Variants in NDUFAF2 observed in about 807,000 individuals in gnomAD.
NDUFAF2 encodes NADH:ubiquinone oxidoreductase complex assembly factor 2.
In NDUFAF2, 13 loss-of-function variants were observed where a neutral mutation model predicts 22.8. The observed-to-expected ratio is 0.57, with a 90% CI of 0.37 to 0.91. NDUFAF2 has a LOEUF of 0.91. NDUFAF2 is among the 40% of genes least tolerant of loss of function. The probability of loss-of-function intolerance (pLI) is 0.01; values close to 1 mark genes in which losing one functional copy is unlikely to be tolerated. For synonymous variants in NDUFAF2, 53 were observed against 64.2 expected, an observed-to-expected ratio of 0.83 and a Z score of 0.84; for missense variants, 162 against 195.2, an observed-to-expected ratio of 0.83 and a Z score of 1.01.
chr5:60,950,481 GGC>G (rs1242096514), intron 1 of NDUFAF2, among the ~76,000 whole-genome samples: 2 of 151,984 alleles, frequency 1.3e-5, no homozygotes, highest in African/African-American at 4.8e-5. Context: ...CACCACGCCT[GGC>G]CACTACTCTT....
At chr5:60,967,174 A>AT (rs540103414) in intron 1 of NDUFAF2, among the ~76,000 whole-genome samples, 113 of 152,012 alleles carry the variant, frequency 7.4e-4, no homozygotes, top group African/African-American at 2.4e-3. Context: ...AGAAACACTG[A>AT]TTTTTTGTGT....
intron 3 of NDUFAF2, among the ~76,000 whole-genome samples, chr5:61,145,183 C>G (rs1741120923): frequency 1.3e-5 from 2 of 152,150 alleles, no homozygotes; most frequent in Non-Finnish European, 2.9e-5. Context: ...AATAATACAG[C>G]TACCAAAAGG....
At chr5:61,147,075 G>A (rs1305664761) in intron 3 of NDUFAF2, among the ~76,000 whole-genome samples, 1 of 151,948 alleles carries the variant, frequency 6.6e-6, no homozygotes, top group African/African-American at 2.4e-5. Flanking sequence ...TTTCTATCAT[G>A]TGTAGGTCTA....
intron 3 of NDUFAF2, among the ~76,000 whole-genome samples, chr5:61,134,153 TA>T (rs1185648126): frequency 6.6e-6 from 1 of 152,040 alleles, no homozygotes. Context: ...TATTGTCAAG[TA>T]AAAAAAGTAA....
intron 2 of NDUFAF2, among the ~76,000 whole-genome samples, chr5:61,095,065 GC>G (rs759888623): frequency 5.9e-5 from 9 of 152,070 alleles, no homozygotes; most frequent in Non-Finnish European, 1.2e-4. Flanking sequence ...GCCTGGAATG[GC>G]TATGTCACCG....
At chr5:61,018,560 T>A (rs60955599) in intron 1 of NDUFAF2, among the ~76,000 whole-genome samples, 2,086 of 152,272 alleles carry the variant, frequency 0.014, 52 homozygotes, top group African/African-American at 0.046. Flanking sequence ...AATTAACAAA[T>A]TAGAATTTAA....
intron 3 of NDUFAF2, among the ~76,000 whole-genome samples, chr5:61,129,343 G>T (rs1003996993): frequency 1.3e-5 from 2 of 152,132 alleles, no homozygotes; most frequent in African/African-American, 4.8e-5. Context: ...ACATGGACAT[G>T]TATGTTTATT....
chr5:60,977,346 T>C (rs368425209), intron 1 of NDUFAF2, among the ~76,000 whole-genome samples: 1 of 151,984 alleles, frequency 6.6e-6, no homozygotes, highest in African/African-American at 2.4e-5. Context: ...TTGGGATTGT[T>C]TGAGCCCAGG....
In NDUFAF2 at chr5:61,107,046, T is replaced by TACACACACACACACACACACACACAC. The variant is rs59521177; in HGVS notation, c.258+8034_258+8059dup. Among the ~76,000 whole-genome samples the TACACACACACACACACACACACACAC allele has an allele frequency of 3.4e-4, 42 of 124,014 alleles. 1 individual carries two copies. Among genetic ancestry groups the TACACACACACACACACACACACACAC allele is most frequent in the Admixed American group, 1.1e-3 (13 of 11,306 alleles). 81.4% of individuals were successfully genotyped at this position (124,014 alleles called of 152,430 possible). A position where few individuals can be genotyped will look rare whatever the true frequency, so the allele number is the denominator to read the frequency against. ...TGATTTCCTTTCCTTTGGATAAATATACACACACACACACACACACACACA... is the reference window on the plus strand; with the variant it reads ...TGATTTCCTTTCCTTTGGATAAATATACACACACACACACACACACACACACACACACACACACACACACACACACA... On this transcript the variant is annotated intron_variant, in intron 3 of 3. Coordinates refer to ENST00000296597, the MANE Select transcript of NDUFAF2 (RefSeq NM_174889.5).
intron 1 of NDUFAF2, among the ~76,000 whole-genome samples, chr5:61,047,667 G>A (rs1751970376): frequency 6.6e-6 from 1 of 151,882 alleles, no homozygotes; most frequent in African/African-American, 2.4e-5. Context: ...TGAGACTCTT[G>A]TCTTTATCTG....
At chr5:60,997,815 A>G (rs1167068247) in intron 1 of NDUFAF2, among the ~76,000 whole-genome samples, 4 of 152,038 alleles carry the variant, frequency 2.6e-5, no homozygotes, top group African/African-American at 9.7e-5. Context: ...TTATATGCTT[A>G]TGAGAGAACA....
rs113367125 is a variant in NDUFAF2 at position 61,099,125 on chromosome 5, T to A, written c.258+93T>A. 435 of 757,132 alleles carry A rather than the reference T, an allele frequency of 5.7e-4. 2 individuals carry two copies. In the African/African-American group the frequency reaches 7.2e-3, roughly 12 times the overall value. The allele number at this position is 757,132 out of a possible 1,614,324, so 46.9% of individuals were successfully genotyped here. A position where few individuals can be genotyped will look rare whatever the true frequency, so the allele number is the denominator to read the frequency against. On this transcript the variant is annotated intron_variant, in intron 3 of 3. Transcript: ENST00000296597. ...AACTATGATGTATTTTCTCAAAGTG[T>A]TGATTTTATTCCATCACAGAAAATA...
At position 61,071,712 on chromosome 5, in the gene NDUFAF2, C is replaced by T. The variant is rs115453384; in HGVS notation, c.128-1413C>T. Among the ~76,000 whole-genome samples the T allele has an allele frequency of 3.4e-3, 511 of 152,290 alleles. 3 individuals carry two copies. The highest frequency in any genetic ancestry group is 0.011 in the African/African-American group (463 of 41,550). On this transcript the variant is annotated intron_variant, in intron 1 of 3. Coordinates refer to ENST00000296597, the MANE Select transcript of NDUFAF2 (RefSeq NM_174889.5). ...CTGACTGGTCTGATCACTGTTAAGCCATGCTGCTCCCTTTATCATTCCTCA... is the reference window on the plus strand; with the variant it reads ...CTGACTGGTCTGATCACTGTTAAGCTATGCTGCTCCCTTTATCATTCCTCA...
intron 1 of NDUFAF2, among the ~76,000 whole-genome samples, chr5:60,979,128 G>A (rs902916761): frequency 2.0e-5 from 3 of 152,174 alleles, no homozygotes; most frequent in African/African-American, 7.2e-5. Context: ...GCTGACAAAA[G>A]TGCCTTGGGC....
chr5:61,053,184 A>G (rs1410378123), intron 1 of NDUFAF2, among the ~76,000 whole-genome samples: 1 of 152,254 alleles, frequency 6.6e-6, no homozygotes, highest in Non-Finnish European at 1.5e-5. Context: ...GAATGACTGC[A>G]TGGAAAGAAC....
intron 2 of NDUFAF2, among the ~76,000 whole-genome samples, chr5:61,094,284 A>G (rs2111760083): frequency 6.6e-6 from 1 of 152,254 alleles, no homozygotes; most frequent in South Asian, 2.1e-4. Context: ...TCTGTTATTA[A>G]TACTTGTGAT....
chr5:61,007,389 C>G (rs1751381730), intron 1 of NDUFAF2, among the ~76,000 whole-genome samples: 1 of 152,132 alleles, frequency 6.6e-6, no homozygotes, highest in Non-Finnish European at 1.5e-5. Context: ...TTCCCCATCT[C>G]TTGTTTTTGT....
chr5:61,054,877 T>A (rs1205931318), intron 1 of NDUFAF2, among the ~76,000 whole-genome samples: 1 of 151,952 alleles, frequency 6.6e-6, no homozygotes. Flanking sequence ...GCTCATTGAG[T>A]GGTTAGAGTT....
chr5:61,105,457 C>G (rs1752750961), intron 3 of NDUFAF2, among the ~76,000 whole-genome samples: 1 of 150,892 alleles, frequency 6.6e-6, no homozygotes, highest in South Asian at 2.1e-4. Context: ...CCACTCCTCA[C>G]CCCAAACTTC....
Sources: allele counts gnomAD v4.1 joint callset (sites outside exome capture counted in the v4.1 genomes callset), GRCh38; gene constraint gnomAD v4.1.1; transcripts MANE v1.5; gene names NCBI Gene and HGNC (gene_info 2026-07-23, HGNC 2026-07-21).